Variants in ZNF48 observed in about 807,000 individuals in gnomAD.
The protein encoded by ZNF48 is zinc finger protein 553.
In ZNF48, 20 loss-of-function variants were observed where a neutral mutation model predicts 40.0. The ratio of observed to expected loss-of-function variants is 0.50; its 90% CI spans 0.35 to 0.73. The LOEUF is 0.73. Among genes scored for constraint, ZNF48 ranks in the 30% least tolerant of loss-of-function variants. The pLI is 0.01. For missense variants in ZNF48, 726 were observed against 851.9 expected (o/e 0.85, Z 1.84); for synonymous variants, 298 against 329.7 (o/e 0.90, Z 1.04).
Position 30,395,651 on chromosome 16 carries a change from G to C in ZNF48, c.-16+73G>C, listed in dbSNP as rs1342544272. ...GCCGGCGGCGCGGGCAGGGGGCACC[G>C]GGAGCCGCGCCCGTACCTGGGACCC... On this transcript the variant is annotated intron_variant, in intron 1 of 2. Coordinates refer to ENST00000613509, the MANE Select transcript of ZNF48 (RefSeq NM_001214909.2). This position sits in a 1 kb window ranked among gnomAD's most constrained non-coding sequence, Gnocchi z 5.9. 1 of 644,246 alleles carries C rather than the reference G, an allele frequency of 1.6e-6. No individual in the cohort carries two copies. The highest frequency in any genetic ancestry group is 7.3e-5 in the South Asian group (1 of 13,654). The allele number at this position is 644,246 out of a possible 1,614,324, so 39.9% of individuals were successfully genotyped here.
In ZNF48 at chr16:30,397,113, C is replaced by T. The variant is rs1024623159; in HGVS notation, c.80-217C>T. Among the ~76,000 whole-genome samples the T allele has an allele frequency of 6.6e-6, 1 of 152,132 alleles. No individual in the cohort carries two copies. Among genetic ancestry groups the T allele is most frequent in the Non-Finnish European group, 1.5e-5 (1 of 68,026 alleles). On this transcript the variant is annotated intron_variant, in intron 2 of 2. Transcript: ENST00000613509. This position sits in a 1 kb window ranked among gnomAD's most constrained non-coding sequence, Gnocchi z 4.1. ...TAGTATTGTTTGCAAGCGTTTAATA[C>T]TAATGCTGAGTTTGGTGAATGACAT...
At position 30,381,838 on chromosome 16, in the gene ZNF48, A is replaced by G. The variant is rs201279120; in HGVS notation, c.-16+3428A>G. The stretch of plus-strand genomic sequence containing the variant: ...CTTCACTTTCACACCCCCTTCCTCA[A>G]TCTCTACGCCCCGGCGCTCAATGGC... On this transcript the variant is annotated intron_variant, in intron 1 of 2. Transcript: ENST00000528032. The surrounding 1 kb of genome is among the most constrained non-coding windows in gnomAD (Gnocchi z 4.3). The G allele has an allele frequency of 2.6e-5, 42 of 1,613,816 alleles. No individual in the cohort carries two copies. The highest frequency in any genetic ancestry group is 3.3e-5 in the Non-Finnish European group (39 of 1,179,968).
Position 30,382,689 on chromosome 16 carries a change from G to A in ZNF48, c.-16+4279G>A, listed in dbSNP as rs1304073233. On this transcript the variant is annotated intron_variant, in intron 1 of 2. Transcript: ENST00000528032. This position sits in a 1 kb window ranked among gnomAD's most constrained non-coding sequence, Gnocchi z 4.8. ...GGAAGGCCAAGGCCAAGAACACTTG[G>A]GGTTGCCACCTCCTGGACCCCTTTG... 2.6e-6 allele frequency: 4 copies of A among 1,532,200 alleles called. No homozygotes were observed. The Admixed American group carries it at 7.8e-5, about 30-fold the overall frequency. The allele number at this position is 1,532,200 out of a possible 1,614,324, so 94.9% of individuals were successfully genotyped here.
chr16:30,385,135 A>G (rs2049890548), intron 1 of ZNF48, among the ~76,000 whole-genome samples: 1 of 151,340 alleles, frequency 6.6e-6, no homozygotes, highest in South Asian at 2.1e-4. Context: ...AGATTGTGCC[A>G]TTGCACTCCA....
In ZNF48 at chr16:30,397,669, A is replaced by G. The variant is rs755704910; in HGVS notation, c.419A>G (p.Tyr140Cys). Residue 140 changes from tyrosine (Y) to cysteine (C), a missense_variant, in exon 3 of 3, where the codon TAC (tyrosine) becomes TGC (cysteine). By Grantham distance (194) the Tyr-to-Cys change is radical. Coordinates refer to ENST00000613509, the MANE Select transcript of ZNF48 (RefSeq NM_001214909.2). This position sits in a 1 kb window ranked among gnomAD's most constrained non-coding sequence, Gnocchi z 4.1. ...CGGACCCACACAGGGGAGAAACCCT[A>G]CAAGTGTGGGGTCTGTGGCAAGGGC... is the stretch of plus-strand genomic sequence containing the variant. ...HQRTHTGEKP[Y>C]KCGVCGKGFG... The G allele has an allele frequency of 2.5e-6, 4 of 1,613,444 alleles. No homozygotes were observed. Among genetic ancestry groups the G allele is most frequent in the Non-Finnish European group, 2.5e-6 (3 of 1,179,724 alleles).
chr16:30,379,295 G>A (rs2049804925), intron 1 of ZNF48: 14 of 1,477,898 alleles, frequency 9.5e-6, no homozygotes, highest in Middle Eastern at 1.8e-4. Context: ...GAGGGTCCGC[G>A]GTCTGCAGCC....
Position 30,382,807 on chromosome 16 carries a change from G to A in ZNF48, c.-16+4397G>A, listed in dbSNP as rs2049869566. On this transcript the variant is annotated intron_variant, in intron 1 of 2. Transcript: ENST00000528032. This position sits in a 1 kb window ranked among gnomAD's most constrained non-coding sequence, Gnocchi z 4.8. ...GCTCCATCATCGTGGTGAGACATGG[G>A]GTATGTGCAGAGAGGAAGGAAGTGG... 3 of 1,534,536 alleles carry A rather than the reference G, an allele frequency of 2.0e-6. No individual in the cohort carries two copies. The South Asian group carries it at 3.6e-5, about 18-fold the overall frequency.
intron 1 of ZNF48, among the ~76,000 whole-genome samples, chr16:30,386,091 C>T (rs2049898556): frequency 6.6e-6 from 1 of 151,478 alleles, no homozygotes; most frequent in South Asian, 2.1e-4. Flanking sequence ...GCCTGAGCAA[C>T]ACAGTGAGAT....
Position 30,398,795 on chromosome 16 carries a change from G to A in ZNF48, c.1545G>A (p.Leu515=). 6.2e-7 allele frequency: 1 copy of A among 1,613,734 alleles called. No individual in the cohort carries two copies. Among genetic ancestry groups the A allele is most frequent in the African/African-American group, 1.3e-5 (1 of 75,020 alleles). Residue 515 remains leucine, a synonymous_variant, in exon 3 of 3, where the codon CTG becomes CTA. Transcript: ENST00000613509. The surrounding 1 kb of genome is among the most constrained non-coding windows in gnomAD (Gnocchi z 6.6). ...RARPPPPSTL[L]RPHNPPGPVP... ...GGCCACCACCACCATCCACTCTGCT[G>A]CGGCCACATAACCCACCTGGCCCAG...
chr16:30,381,314 AG>A lies in ZNF48; in HGVS notation c.-16+2905del. 1 of 1,264,956 alleles carries A rather than the reference AG, an allele frequency of 7.9e-7. No homozygotes were observed. Among genetic ancestry groups the A allele is most frequent in the South Asian group, 1.2e-5 (1 of 83,436 alleles). 78.4% of individuals were successfully genotyped at this position (1,264,956 alleles called of 1,614,324 possible). On this transcript the variant is annotated intron_variant, in intron 1 of 2. Coordinates refer to the ZNF48 transcript ENST00000528032. This position sits in a 1 kb window ranked among gnomAD's most constrained non-coding sequence, Gnocchi z 4.3. Reference sequence around the variant, plus strand: ...CCCCCCAGCCCTCCCTAAATGCGCCAGCCCCCAGGATCCCCCCACCAGACCC... The same window carrying A: ...CCCCCCAGCCCTCCCTAAATGCGCCACCCCCAGGATCCCCCCACCAGACCC...
In ZNF48 at chr16:30,398,760, G is replaced by A. The variant is rs750722784; in HGVS notation, c.1510G>A (p.Glu504Lys). Reference protein sequence around the residue: ...RVKHLRTHRGERARPPPPSTL... With the variant: ...RVKHLRTHRGKRARPPPPSTL... Reference sequence around the variant, plus strand: ...CAAGCACCTCCGCACCCACCGTGGTGAACGGGCCCGGCCACCACCACCATC... The same window carrying A: ...CAAGCACCTCCGCACCCACCGTGGTAAACGGGCCCGGCCACCACCACCATC... The change falls in exon 3 of 3, where the codon GAA (glutamate) becomes AAA (lysine). Residue 504 changes from glutamate (E) to lysine (K), a missense_variant. Glu to Lys is a moderately conservative substitution (Grantham distance 56). Around this residue, in one of 5 missense-constraint regions of ZNF48, gnomAD observed 166 missense variants for 163.6 expected, o/e 1.01. Transcript: ENST00000613509. This position sits in a 1 kb window ranked among gnomAD's most constrained non-coding sequence, Gnocchi z 6.6. The A allele has an allele frequency of 2.5e-6, 4 of 1,613,684 alleles. No individual in the cohort carries two copies. In the Admixed American group the frequency reaches 5.0e-5, roughly 20 times the overall value.
chr16:30,385,255 T>A (rs2049892546), intron 1 of ZNF48, among the ~76,000 whole-genome samples: 2 of 151,650 alleles, frequency 1.3e-5, no homozygotes, highest in Admixed American at 6.6e-5. Flanking sequence ...GCAGGGATCA[T>A]GTTACCTCTC....
Position 30,397,659 on chromosome 16 carries a change from G to A in ZNF48, c.409G>A (p.Glu137Lys). The change falls in exon 3 of 3, where the codon GAG becomes AAG. Residue 137 changes from glutamate (E) to lysine (K), a missense_variant. Glu to Lys is a moderately conservative substitution (Grantham distance 56, BLOSUM62 1). Coordinates refer to ENST00000613509, the MANE Select transcript of ZNF48 (RefSeq NM_001214909.2). This position sits in a 1 kb window ranked among gnomAD's most constrained non-coding sequence, Gnocchi z 4.1. ...LVKHQRTHTG[E>K]KPYKCGVCGK... is the part of the protein sequence containing the mutation. ...GAAACACCAGCGGACCCACACAGGG[G>A]AGAAACCCTACAAGTGTGGGGTCTG... is the stretch of plus-strand genomic sequence containing the variant. 1.2e-6 allele frequency: 2 copies of A among 1,613,680 alleles called. No individual in the cohort carries two copies. The highest frequency in any genetic ancestry group is 2.2e-5 in the East Asian group (1 of 44,866).
At chr16:30,378,452 C>T (rs373881495) in intron 1 of ZNF48, 18 of 1,572,482 alleles carry the variant, frequency 1.1e-5, no homozygotes, top group Admixed American at 2.0e-5. Context: ...CGTCTGACTG[C>T]TCGCCCTGGG....
rs749922891 is a variant in ZNF48, at chr16:30,397,403, C to A, written c.153C>A (p.Phe51Leu). The A allele has an allele frequency of 6.2e-7, 1 of 1,613,940 alleles. No individual in the cohort carries two copies. The highest frequency in any genetic ancestry group is 8.5e-7 in the Non-Finnish European group (1 of 1,180,024). The change falls in exon 3 of 3, where the codon TTC becomes TTA. Residue 51 changes from phenylalanine to leucine, a missense_variant. Around this residue, in one of 5 missense-constraint regions of ZNF48, gnomAD observed 151 missense variants for 162.3 expected, o/e 0.93. Coordinates refer to ENST00000613509, the MANE Select transcript of ZNF48 (RefSeq NM_001214909.2). This position sits in a 1 kb window ranked among gnomAD's most constrained non-coding sequence, Gnocchi z 4.1. ...EHTPQEDDLG[F>L]KEEDLAPDHE... ...CCCCACAGGAAGATGACTTGGGGTT[C>A]AAGGAAGAAGATTTGGCTCCAGATC...
In ZNF48 at chr16:30,381,126, C is replaced by T. The variant is rs761627626; in HGVS notation, c.-16+2716C>T. On this transcript the variant is annotated intron_variant, in intron 1 of 2. Coordinates refer to the ZNF48 transcript ENST00000528032. The surrounding 1 kb of genome is among the most constrained non-coding windows in gnomAD (Gnocchi z 4.3). ...CAAAGGTCAGAGGTCATCACTCACA[C>T]CTTCTGCTTGAGGGCCTGGGTTTCC... 2.5e-6 allele frequency: 4 copies of T among 1,611,172 alleles called. No individual in the cohort carries two copies. The highest frequency in any genetic ancestry group is 3.4e-6 in the Non-Finnish European group (4 of 1,177,390).
In ZNF48 at chr16:30,398,139, C is replaced by A; in HGVS notation, c.889C>A (p.His297Asn). ...CAGCCTCCTGAGTCACCAGCGTAGT[C>A]ACTTGGGGCCCAAGCCCTTTGGCTG... is the stretch of plus-strand genomic sequence containing the variant. Reference protein sequence around the residue: ...SCSLLSHQRSHLGPKPFGCDV... With the variant: ...SCSLLSHQRSNLGPKPFGCDV... Residue 297 changes from histidine (H) to asparagine (N), a missense_variant, in exon 3 of 3, where the codon CAC (histidine) becomes AAC (asparagine). Physicochemically the swap from His to Asn is moderately conservative, Grantham distance 68. Coordinates refer to ENST00000613509, the MANE Select transcript of ZNF48 (RefSeq NM_001214909.2). This position sits in a 1 kb window ranked among gnomAD's most constrained non-coding sequence, Gnocchi z 6.6. 6.2e-7 allele frequency: 1 copy of A among 1,613,736 alleles called. No homozygotes were observed. The highest frequency in any genetic ancestry group is 2.2e-5 in the East Asian group (1 of 44,872).
rs761441939 is a variant in ZNF48, at chr16:30,398,872, A to C, written c.1622A>C (p.Gln541Pro). The C allele has an allele frequency of 2.5e-6, 4 of 1,613,846 alleles. No individual in the cohort carries two copies. The Admixed American group carries it at 6.7e-5, about 27-fold the overall frequency. The change falls in exon 3 of 3, where the codon CAG (glutamine) becomes CCG (proline). Residue 541 changes from glutamine (Q) to proline (P), a missense_variant. By Grantham distance (76) the Gln-to-Pro change is moderately conservative. This residue lies in a region of ZNF48 where 166 missense variants were observed against 163.6 expected (regional missense o/e 1.01). Transcript: ENST00000613509. This position sits in a 1 kb window ranked among gnomAD's most constrained non-coding sequence, Gnocchi z 6.6. ...RVRAQPSGPS[Q>P]PHVCGFCGKE... is the part of the protein sequence containing the mutation. ...CGGGCCCAGCCTTCTGGACCCAGCC[A>C]GCCCCACGTGTGTGGCTTCTGTGGG... is the stretch of plus-strand genomic sequence containing the variant.
At chr16:30,386,382 TTAAA>T (rs2049900725) in intron 1 of ZNF48, among the ~76,000 whole-genome samples, 1 of 150,808 alleles carries the variant, frequency 6.6e-6, no homozygotes, top group Non-Finnish European at 1.5e-5. Context: ...ATATAAACAT[TTAAA>T]TGTGGGCCGG....
Sources: allele counts gnomAD v4.1 joint callset (sites outside exome capture counted in the v4.1 genomes callset), GRCh38; gene constraint gnomAD v4.1.1; regional missense constraint gnomAD v4.1.1; non-coding constraint Gnocchi (gnomAD v3.1); transcripts MANE v1.5; gene names NCBI Gene and HGNC (gene_info 2026-07-23, HGNC 2026-07-21).